METTL22: variants seen among roughly 807,000 people sequenced by gnomAD.
METTL22 encodes methyltransferase 22, Kin17 lysine.
A neutral mutation model predicts 48.4 loss-of-function variants in METTL22; 51 were observed. That is an observed-to-expected ratio of 1.05 (90% CI 0.84 to 1.33). The LOEUF (loss-of-function observed/expected upper bound fraction) is 1.33, where lower values mean the gene tolerates loss of function less well. Ranked by LOEUF, METTL22 falls within the 40% of genes most tolerant of loss-of-function variation. The probability of loss-of-function intolerance (pLI) is 0.00; values close to 1 mark genes in which losing one functional copy is unlikely to be tolerated. For missense variants in METTL22, 678 were observed against 526.9 expected, an observed-to-expected ratio of 1.29 and a Z score of -2.81; for synonymous variants, 255 against 214.1, an observed-to-expected ratio of 1.19 and a Z score of -1.67.
At chr16:8,651,905 T>G (rs1467355649), downstream of METTL22, among the ~76,000 whole-genome samples, 1 of 152,104 alleles carries the variant, frequency 6.6e-6, no homozygotes, top group Non-Finnish European at 1.5e-5. Context: ...GACAAATACC[T>G]AATGCATGCA....
downstream of METTL22, among the ~76,000 whole-genome samples, chr16:8,651,516 A>G (rs1185885205): frequency 1.3e-5 from 2 of 152,170 alleles, no homozygotes; most frequent in Middle Eastern, 3.4e-3. Context: ...GGAATTTTCA[A>G]CTTGCACCTT....
intron 7 of METTL22, chr16:8,641,890 CG>C: frequency 3.4e-6 from 2 of 588,218 alleles, no homozygotes; most frequent in East Asian, 5.6e-5. Context: ...GAAATCCGCC[CG>C]CTGCTCACTG....
chr16:8,634,739 A>G (rs1468270096), intron 3 of METTL22, among the ~76,000 whole-genome samples: 1 of 152,172 alleles, frequency 6.6e-6, no homozygotes, highest in Non-Finnish European at 1.5e-5. Flanking sequence ...TGTGGGTGCA[A>G]TTAAATTGCG....
At chr16:8,622,921 T>G (rs1380447583) in intron 1 of METTL22, among the ~76,000 whole-genome samples, 2 of 152,368 alleles carry the variant, frequency 1.3e-5, no homozygotes, top group Admixed American at 6.5e-5. Flanking sequence ...TTGAGTTTTT[T>G]TGTGTGTGTC....
At chr16:8,623,565 T>C (rs1346519638) in intron 1 of METTL22, 1 of 152,198 alleles carries the variant, frequency 6.6e-6, no homozygotes, top group Non-Finnish European at 1.5e-5. Flanking sequence ...ATTGATTGAG[T>C]GTTGGCCTTC....
At position 8,625,598 on chromosome 16, in the gene METTL22, T is replaced by G; in HGVS notation, c.-68T>G. 10 of 1,564,270 alleles carry G rather than the reference T, an allele frequency of 6.4e-6. 1 individual carries two copies. The highest frequency in any genetic ancestry group is 7.0e-6 in the Non-Finnish European group (8 of 1,144,200). On this transcript the variant is annotated 5_prime_UTR_variant, in exon 2 of 11. Transcript: ENST00000381920. ...TGTCTGCAGTATCTCCTCTGGGACC[T>G]GCCATGCTGAGGACCCATTCTCACC... is the stretch of plus-strand genomic sequence containing the variant.
rs2141662219 is a variant in METTL22, at chr16:8,621,733, G to A, written c.-213G>A. 1 of 152,462 alleles carries A rather than the reference G, an allele frequency of 6.6e-6. No homozygotes were observed. Among genetic ancestry groups the A allele is most frequent in the South Asian group, 2.1e-4 (1 of 4,834 alleles). The allele number at this position is 152,462 out of a possible 1,614,324, so 9.4% of individuals were successfully genotyped here. A position where few individuals can be genotyped will look rare whatever the true frequency, so the allele number is the denominator to read the frequency against. On this transcript the variant is annotated 5_prime_UTR_variant, in exon 1 of 11. Transcript: ENST00000381920. Reference sequence around the variant, plus strand: ...TTATGGCGGCCGCCTAAGTCCCACAGAGACGGGAGTCGGGTGGGATCCCAG... The same window carrying A: ...TTATGGCGGCCGCCTAAGTCCCACAAAGACGGGAGTCGGGTGGGATCCCAG...
rs761729425 is a variant in METTL22 at position 8,646,776 on chromosome 16, G to C, written c.*633G>C. 3.0e-5 allele frequency: 13 copies of C among 430,020 alleles called. No individual in the cohort carries two copies. Among genetic ancestry groups the C allele is most frequent in the Non-Finnish European group, 2.4e-5 (5 of 212,068 alleles). 26.6% of individuals were successfully genotyped at this position (430,020 alleles called of 1,614,324 possible). On this transcript the variant is annotated 3_prime_UTR_variant, in exon 11 of 11. Transcript: ENST00000381920. Reference sequence around the variant, plus strand: ...CTTTGGGGTCATGTGCAGCTGACCAGGGTTTGTGCAGTGATCTTCCTCAGA... The same window carrying C: ...CTTTGGGGTCATGTGCAGCTGACCACGGTTTGTGCAGTGATCTTCCTCAGA...
the METTL22 span, among the ~76,000 whole-genome samples, chr16:8,656,610 C>T: frequency 1.7e-4 from 26 of 152,238 alleles, no homozygotes; most frequent in Non-Finnish European, 2.1e-4. Context: ...AGCAGGAGAG[C>T]AGCCAGTCCC....
the METTL22 span, among the ~76,000 whole-genome samples, chr16:8,657,403 C>T: frequency 1.3e-5 from 2 of 152,172 alleles, no homozygotes; most frequent in East Asian, 3.8e-4. Flanking sequence ...GCAGGAATAG[C>T]AAATGTCACA....
intron 6 of METTL22, among the ~76,000 whole-genome samples, 193 bp from the exon 7 acceptor site, chr16:8,640,938 A>AGG (rs2056589530): frequency 6.1e-5 from 1 of 16,276 alleles, no homozygotes; most frequent in Non-Finnish European, 1.5e-4. Context: ...GGATGGATGG[A>AGG]TGGATGGGTG....
chr16:8,651,034 A>G (rs547298408), downstream of METTL22, among the ~76,000 whole-genome samples: 7 of 151,706 alleles, frequency 4.6e-5, no homozygotes, highest in South Asian at 1.0e-3. Flanking sequence ...AAATAATATA[A>G]ATAAATAAAT....
In METTL22 at chr16:8,621,772, G is replaced by T. The variant is rs1028992913; in HGVS notation, c.-174G>T. On this transcript the variant is annotated 5_prime_UTR_variant, in exon 1 of 11. Coordinates refer to ENST00000381920, the MANE Select transcript of METTL22 (RefSeq NM_024109.4). ...GTGGGATCCCAGGCTGGGCCCCGCGGCGGGTAAGTGCCTGGGAGAGGCGGC... is the reference window on the plus strand; with the variant it reads ...GTGGGATCCCAGGCTGGGCCCCGCGTCGGGTAAGTGCCTGGGAGAGGCGGC... 1 of 152,308 alleles carries T rather than the reference G, an allele frequency of 6.6e-6. No individual in the cohort carries two copies. The highest frequency in any genetic ancestry group is 1.5e-5 in the Non-Finnish European group (1 of 68,102). 9.4% of individuals were successfully genotyped at this position (152,308 alleles called of 1,614,324 possible).
At chr16:8,661,740 A>G in the METTL22 span, among the ~76,000 whole-genome samples, 10 of 142,954 alleles carry the variant, frequency 7.0e-5, 2 homozygotes, top group African/African-American at 2.6e-4. Flanking sequence ...TATCACTATT[A>G]TTATTATATT....
chr16:8,652,289 T>C (rs1408190475), downstream of METTL22, among the ~76,000 whole-genome samples: 1 of 150,096 alleles, frequency 6.7e-6, no homozygotes, highest in Non-Finnish European at 1.5e-5. Flanking sequence ...TGAAACCCCA[T>C]CTCTACCAAA....
intron 3 of METTL22, among the ~76,000 whole-genome samples, chr16:8,634,260 G>T (rs1201071903): frequency 6.6e-6 from 1 of 152,146 alleles, no homozygotes; most frequent in Non-Finnish European, 1.5e-5. Context: ...TTCTTTCCTG[G>T]TTCGGGGACA....
At chr16:8,629,176 T>C in intron 3 of METTL22, 66 bp downstream of exon 3, 1 of 1,554,716 alleles carries the variant, frequency 6.4e-7, no homozygotes, top group African/African-American at 1.4e-5. Context: ...TGCTCAGGGC[T>C]CAGTATGATC....
intron 5 of METTL22, 150 bp from the exon 6 acceptor site, chr16:8,638,941 G>A: frequency 1.4e-6 from 1 of 705,494 alleles, no homozygotes; most frequent in Non-Finnish European, 2.5e-6. Flanking sequence ...TAAGGTGAGG[G>A]TATTTAATTT....
At chr16:8,629,429 C>G (rs141558166) in intron 3 of METTL22, among the ~76,000 whole-genome samples, 22 of 152,376 alleles carry the variant, frequency 1.4e-4, no homozygotes, top group African/African-American at 4.8e-4. Flanking sequence ...CAGGAAGCCT[C>G]CCTGCTGCTG....
Sources: gnomAD v4.1 joint callset for allele counts (sites outside exome capture counted in the v4.1 genomes callset) on GRCh38, gnomAD v4.1.1 for gene constraint, MANE v1.5 for transcripts, NCBI Gene and HGNC (gene_info 2026-07-23, HGNC 2026-07-21) for gene names.